The following CPPED1 variants were observed in gnomAD, a reference collection of about 807,000 sequenced individuals.
CPPED1 encodes the protein serine/threonine-protein phosphatase CPPED1.
CPPED1 carries 28 observed loss-of-function variants against 28.0 expected under a neutral mutation model. That is an observed-to-expected ratio of 1.00 (90% CI 0.74 to 1.37). The LOEUF is 1.37. CPPED1 is among the 40% of genes most tolerant of loss of function. The pLI, the probability that CPPED1 is intolerant of heterozygous loss-of-function variation, is 0.00. For missense variants in CPPED1, 504 were observed against 416.5 expected (o/e 1.21, Z -1.83); for synonymous variants, 198 against 180.2 (o/e 1.10, Z -0.79).
chr16:12,720,055 T>G (rs990967100), intron 2 of CPPED1, among the ~76,000 whole-genome samples: 24 of 152,158 alleles, frequency 1.6e-4, no homozygotes, highest in African/African-American at 5.6e-4. Context: ...ATCAGGCCAT[T>G]ATTAAAACTG....
At chr16:12,711,146 T>C (rs2080077898) in intron 2 of CPPED1, among the ~76,000 whole-genome samples, 1 of 152,358 alleles carries the variant, frequency 6.6e-6, no homozygotes, top group Non-Finnish European at 1.5e-5. Context: ...CGAAATATTA[T>C]TCAACCATAA....
chr16:12,709,312 A>C lies in CPPED1; in HGVS notation c.290-4263T>G, dbSNP rs141040343. Among the ~76,000 whole-genome samples the C allele has an allele frequency of 5.5e-3, 832 of 152,256 alleles. 5 individuals are homozygous for C. Among genetic ancestry groups the C allele is most frequent in the Middle Eastern group, 0.031 (9 of 294 alleles). On this transcript the variant is annotated intron_variant, in intron 2 of 3. Coordinates refer to ENST00000381774, the MANE Select transcript of CPPED1 (RefSeq NM_018340.3). This position sits in a 1 kb window ranked among gnomAD's most constrained non-coding sequence, Gnocchi z 4.4. ...ACATGACTCAGAAGAGGGGCAGAGA[A>C]GGATTGTTCTGGGGTCTCCAAGGTG... is the stretch of plus-strand genomic sequence containing the variant.
intron 2 of CPPED1, among the ~76,000 whole-genome samples, chr16:12,770,068 A>C (rs532236891): frequency 6.6e-6 from 1 of 152,314 alleles, no homozygotes; most frequent in Admixed American, 6.5e-5. Context: ...CTGAGTATCT[A>C]TGACATGGTA....
At chr16:12,779,835 G>C (rs1291282603) in intron 2 of CPPED1, among the ~76,000 whole-genome samples, 2 of 152,074 alleles carry the variant, frequency 1.3e-5, no homozygotes, top group African/African-American at 2.4e-5. Flanking sequence ...CGGTTTACAA[G>C]GTACAACTAG....
chr16:12,737,877 T>C (rs2080234973), intron 2 of CPPED1, among the ~76,000 whole-genome samples: 1 of 152,194 alleles, frequency 6.6e-6, no homozygotes, highest in African/African-American at 2.4e-5. Flanking sequence ...CTTCCCTGTG[T>C]CAGGGGACCC....
chr16:12,799,242 AGTTTTTTT>A (rs765579642), intron 1 of CPPED1, among the ~76,000 whole-genome samples: 1 of 121,298 alleles, frequency 8.2e-6, no homozygotes, highest in Middle Eastern at 4.0e-3. Flanking sequence ...GGGAAAAGTC[AGTTTTTTT>A]TTTTTTTTTT....
At chr16:12,741,666 T>C (rs2080256362) in intron 2 of CPPED1, among the ~76,000 whole-genome samples, 1 of 152,222 alleles carries the variant, frequency 6.6e-6, no homozygotes, top group South Asian at 2.1e-4. Flanking sequence ...CACAGTTAAC[T>C]GCGCTACACT....
intron 2 of CPPED1, among the ~76,000 whole-genome samples, chr16:12,779,051 A>C (rs2080514401): frequency 6.6e-6 from 1 of 152,196 alleles, no homozygotes; most frequent in South Asian, 2.1e-4. Flanking sequence ...TGCATGAAAA[A>C]CTTTTATTTT....
At chr16:12,726,267 C>A (rs2080169322) in intron 2 of CPPED1, among the ~76,000 whole-genome samples, 1 of 150,918 alleles carries the variant, frequency 6.6e-6, no homozygotes, top group African/African-American at 2.4e-5. Context: ...GTCTTGAACT[C>A]CTGACCTCGT....
chr16:12,704,913 G>A lies in CPPED1; in HGVS notation c.426C>T (p.Phe142=). Residue 142 remains phenylalanine, a synonymous_variant, in exon 3 of 4, where the codon TTC becomes TTT. Coordinates refer to ENST00000381774, the MANE Select transcript of CPPED1 (RefSeq NM_018340.3). The part of the protein sequence containing the change: ...NTPTAETVEE[F]CRTWGDDYFS... Reference sequence around the variant, plus strand: ...AGTAGTCATCTCCCCAAGTCCGGCAGAACTCCTCGACGGTCTCGGCCGTGG... The same window carrying A: ...AGTAGTCATCTCCCCAAGTCCGGCAAAACTCCTCGACGGTCTCGGCCGTGG... 3 of 1,614,186 alleles carry A rather than the reference G, an allele frequency of 1.9e-6. No homozygotes were observed. Among genetic ancestry groups the A allele is most frequent in the African/African-American group, 1.3e-5 (1 of 75,044 alleles).
intron 1 of CPPED1, among the ~76,000 whole-genome samples, chr16:12,796,587 A>C (rs1395372506): frequency 6.6e-6 from 1 of 152,230 alleles, no homozygotes; most frequent in African/African-American, 2.4e-5. Context: ...AAATGTTGGC[A>C]AGGATATGGA....
intron 2 of CPPED1, among the ~76,000 whole-genome samples, chr16:12,758,430 C>T (rs770955655): frequency 1.6e-4 from 24 of 152,148 alleles, no homozygotes; most frequent in Non-Finnish European, 2.9e-4. Flanking sequence ...ACTTGGGATA[C>T]AATCAGATAA....
At chr16:12,679,354 T>C (rs1292731947) in intron 3 of CPPED1, among the ~76,000 whole-genome samples, 1 of 152,158 alleles carries the variant, frequency 6.6e-6, no homozygotes, top group Non-Finnish European at 1.5e-5. Context: ...AAATAAAATG[T>C]AAAACAAAAA....
At chr16:12,707,907 G>A (rs989947171) in intron 2 of CPPED1, among the ~76,000 whole-genome samples, 7 of 152,170 alleles carry the variant, frequency 4.6e-5, no homozygotes, top group African/African-American at 1.4e-4. Context: ...AGCACTTTGG[G>A]AGGCCTAGGC....
intron 3 of CPPED1, among the ~76,000 whole-genome samples, chr16:12,690,205 G>A (rs1306010319): frequency 1.3e-5 from 2 of 152,098 alleles, no homozygotes; most frequent in African/African-American, 4.8e-5. Context: ...ATCCCTCCCT[G>A]TTTCATGAAA....
At chr16:12,714,226 T>C (rs946525494) in intron 2 of CPPED1, among the ~76,000 whole-genome samples, 3 of 152,220 alleles carry the variant, frequency 2.0e-5, no homozygotes, top group Admixed American at 2.0e-4. Context: ...CTATTATGAA[T>C]TATGCTGCTA....
chr16:12,690,841 C>G (rs1169856283), intron 3 of CPPED1, among the ~76,000 whole-genome samples: 1 of 152,152 alleles, frequency 6.6e-6, no homozygotes, highest in Non-Finnish European at 1.5e-5. Flanking sequence ...CTCCACGGAC[C>G]CTCACTTGGC....
intron 1 of CPPED1, among the ~76,000 whole-genome samples, chr16:12,782,132 C>T (rs1390971656): frequency 6.6e-6 from 1 of 152,122 alleles, no homozygotes; most frequent in Non-Finnish European, 1.5e-5. Context: ...ACTGACTCTC[C>T]TGGGCCAAAG....
At chr16:12,741,467 T>A (rs2080255010) in intron 2 of CPPED1, among the ~76,000 whole-genome samples, 1 of 152,096 alleles carries the variant, frequency 6.6e-6, no homozygotes, top group African/African-American at 2.4e-5. Flanking sequence ...CCAAGAGCAG[T>A]TTTTGCAATG....
Sources: gnomAD v4.1 joint callset for allele counts (sites outside exome capture counted in the v4.1 genomes callset) on GRCh38, gnomAD v4.1.1 for gene constraint, Gnocchi (gnomAD v3.1) non-coding constraint, MANE v1.5 for transcripts, NCBI Gene and HGNC (gene_info 2026-07-23, HGNC 2026-07-21) for gene names.